Variants in DZIP1 observed in about 807,000 individuals in gnomAD.
The protein encoded by DZIP1 is DAZ interacting zinc finger protein 1.
In DZIP1, 97 loss-of-function variants were observed where a neutral mutation model predicts 107.6. That is an observed-to-expected ratio of 0.90 (90% confidence interval 0.77 to 1.07). The LOEUF (loss-of-function observed/expected upper bound fraction) is 1.07. Ranked by LOEUF, DZIP1 falls within the 50% of genes least tolerant of loss-of-function variation. The pLI, the probability that DZIP1 is intolerant of heterozygous loss-of-function variation, is 0.00. For synonymous variants in DZIP1, 390 were observed against 386.4 expected, an observed-to-expected ratio of 1.01 and a Z score of -0.11; for missense variants, 1,035 against 1,063.6, an observed-to-expected ratio of 0.97 and a Z score of 0.37.
At position 95,612,180 on chromosome 13, in the gene DZIP1, GAA is replaced by G. The variant is rs887988192; in HGVS notation, c.1174-5_1174-4del. 8.1e-6 allele frequency: 13 copies of G among 1,603,578 alleles called. No individual in the cohort carries two copies. In the African/African-American group the frequency reaches 1.5e-4, roughly 18 times the overall value. On this transcript the variant is annotated splice_region_variant and splice_polypyrimidine_tract_variant and intron_variant, in intron 10 of 22. Transcript: ENST00000376829. The stretch of plus-strand genomic sequence containing the variant: ...AGTTTCTCTATATGTGACAGGAGCT[GAA>G]AAAAAGTTAAGAAAGGCATCCATCT...
intron 15 of DZIP1, among the ~76,000 whole-genome samples, chr13:95,597,015 A>G (rs2044474911): frequency 6.6e-6 from 1 of 152,238 alleles, no homozygotes; most frequent in Non-Finnish European, 1.5e-5. Flanking sequence ...CCTGTCTACC[A>G]TCAGAGCTGA....
intron 5 of DZIP1, among the ~76,000 whole-genome samples, chr13:95,639,941 C>T (rs1878287321): frequency 6.6e-6 from 1 of 151,910 alleles, no homozygotes; most frequent in Admixed American, 6.6e-5. Context: ...CAAGACCAAA[C>T]ACTAAGTCCT....
intron 5 of DZIP1, among the ~76,000 whole-genome samples, chr13:95,634,996 CTCT>C (rs1370530260): frequency 6.6e-6 from 1 of 152,070 alleles, no homozygotes; most frequent in Non-Finnish European, 1.5e-5. Flanking sequence ...TCCCCTCCAC[CTCT>C]TTTTTTTCCT....
At chr13:95,597,358 G>A (rs1275308852) in intron 15 of DZIP1, among the ~76,000 whole-genome samples, 1 of 151,928 alleles carries the variant, frequency 6.6e-6, no homozygotes, top group Non-Finnish European at 1.5e-5. Context: ...GATTCTTCAA[G>A]GAATATGGGA....
chr13:95,599,384 T>C lies in DZIP1; in HGVS notation c.1518A>G (p.Glu506=). The change falls in exon 15 of 23, where the codon GAA becomes GAG. Residue 506 remains glutamate (E), a synonymous_variant. Transcript: ENST00000376829. ...TGTTACCTTTTTCTTCCTCTGAAAG[T>C]TCTTCTATTGGTTCCAGTATGTGCG... ...FSSHILEPIE[E]LSEEEKGREN... 6.2e-7 allele frequency: 1 copy of C among 1,613,812 alleles called. No individual in the cohort carries two copies. Among genetic ancestry groups the C allele is most frequent in the African/African-American group, 1.3e-5 (1 of 75,030 alleles).
chr13:95,629,138 G>A (rs1032622262), intron 7 of DZIP1, among the ~76,000 whole-genome samples: 3 of 152,220 alleles, frequency 2.0e-5, no homozygotes, highest in African/African-American at 7.2e-5. Flanking sequence ...GTCCCCATGG[G>A]GGAAACAAGG....
At chr13:95,595,196 A>G (rs962957598) in intron 15 of DZIP1, among the ~76,000 whole-genome samples, 3 of 152,238 alleles carry the variant, frequency 2.0e-5, no homozygotes, top group African/African-American at 7.2e-5. Context: ...CTCAGCAGAC[A>G]GGATTCTTAA....
chr13:95,637,747 G>C (rs1877993008), intron 5 of DZIP1, among the ~76,000 whole-genome samples: 1 of 151,896 alleles, frequency 6.6e-6, no homozygotes, highest in Non-Finnish European at 1.5e-5. Context: ...TTGACACCTT[G>C]ATCTTCAACT....
chr13:95,634,641 C>T (rs116390106), intron 5 of DZIP1, among the ~76,000 whole-genome samples: 1,936 of 152,250 alleles, frequency 0.013, 38 homozygotes, highest in Middle Eastern at 0.054. Flanking sequence ...TATACTCACC[C>T]CTGGATTACT....
In DZIP1 at chr13:95,578,482, A is replaced by G. The variant is rs1206338334; in HGVS notation, c.*3752T>C. 6.6e-6 allele frequency: 1 copy of G among 152,316 alleles called. No homozygotes were observed. Among genetic ancestry groups the G allele is most frequent in the East Asian group, 1.9e-4 (1 of 5,204 alleles). The allele number at this position is 152,316 out of a possible 1,614,324, so 9.4% of individuals were successfully genotyped here. On this transcript the variant is annotated 3_prime_UTR_variant, in exon 23 of 23. Coordinates refer to ENST00000376829, the MANE Select transcript of DZIP1 (RefSeq NM_198968.4). ...TAAATAGACATGTTACTGGCTGCACACAGGCAAATTCTAGTTTGTTTTTTT... is the reference window on the plus strand; with the variant it reads ...TAAATAGACATGTTACTGGCTGCACGCAGGCAAATTCTAGTTTGTTTTTTT...
chr13:95,630,125 G>C lies in DZIP1; in HGVS notation c.686-12C>G. On this transcript the variant is annotated splice_polypyrimidine_tract_variant and intron_variant, in intron 6 of 22. Transcript: ENST00000376829. The stretch of plus-strand genomic sequence containing the variant: ...ATTTTTCTGATACTCTGTTGCAACA[G>C]AAAATCGTGTTAAAACACCATCTCT... 1 of 1,607,042 alleles carries C rather than the reference G, an allele frequency of 6.2e-7. No individual in the cohort carries two copies. The highest frequency in any genetic ancestry group is 1.1e-5 in the South Asian group (1 of 89,606).
At chr13:95,638,636 A>AAC (rs3051404) in intron 5 of DZIP1, among the ~76,000 whole-genome samples, 17,939 of 148,846 alleles carry the variant, frequency 0.12, 1,261 homozygotes, top group East Asian at 0.23. Context: ...CCTTATACAC[A>AAC]ACACACACAC....
chr13:95,594,793 A>G (rs191840976), intron 15 of DZIP1, among the ~76,000 whole-genome samples: 6 of 152,300 alleles, frequency 3.9e-5, no homozygotes, highest in Non-Finnish European at 5.9e-5. Flanking sequence ...TTTTGTTTAA[A>G]ACAACCTATA....
chr13:95,633,159 ACTG>A (rs1877399142), intron 6 of DZIP1, 72 bp downstream of exon 6: 2 of 1,354,434 alleles, frequency 1.5e-6, no homozygotes, highest in South Asian at 2.4e-5. Context: ...TGGGAAATGC[ACTG>A]GACCAAGTCT....
intron 22 of DZIP1, among the ~76,000 whole-genome samples, chr13:95,583,179 C>T (rs2044057212): frequency 6.6e-6 from 1 of 151,084 alleles, no homozygotes; most frequent in Non-Finnish European, 1.5e-5. Context: ...GTAATCCCAA[C>T]AGTTTGGGAG....
chr13:95,631,082 C>A (rs1282654633), intron 6 of DZIP1, among the ~76,000 whole-genome samples: 1 of 152,064 alleles, frequency 6.6e-6, no homozygotes, highest in African/African-American at 2.4e-5. Flanking sequence ...AGAATGGAAA[C>A]AACCTGGCCC....
chr13:95,627,705 T>G (rs1367483996), intron 7 of DZIP1, among the ~76,000 whole-genome samples: 1 of 152,240 alleles, frequency 6.6e-6, no homozygotes, highest in African/African-American at 2.4e-5. Flanking sequence ...ATGGTACAGC[T>G]ACTGTGGAAG....
Position 95,612,198 on chromosome 13 carries a change from G to T in DZIP1, c.1174-21C>A, listed in dbSNP as rs768390644. ...AGGAGCTGAAAAAAAGTTAAGAAAG[G>T]CATCCATCTGTAAGCTGCATGTCAA... is the stretch of plus-strand genomic sequence containing the variant. On this transcript the variant is annotated intron_variant, in intron 10 of 22. Coordinates refer to ENST00000376829, the MANE Select transcript of DZIP1 (RefSeq NM_198968.4). The T allele has an allele frequency of 1.7e-5, 27 of 1,602,886 alleles. No homozygotes were observed. In the Admixed American group the frequency reaches 4.2e-4, roughly 25 times the overall value.
At chr13:95,594,916 A>G (rs2044403628) in intron 15 of DZIP1, among the ~76,000 whole-genome samples, 1 of 152,212 alleles carries the variant, frequency 6.6e-6, no homozygotes, top group South Asian at 2.1e-4. Flanking sequence ...AGTTTGGAGA[A>G]GAATGATGGC....
Sources: allele counts gnomAD v4.1 joint callset (sites outside exome capture counted in the v4.1 genomes callset), GRCh38; gene constraint gnomAD v4.1.1; transcripts MANE v1.5; gene names NCBI Gene and HGNC (gene_info 2026-07-23, HGNC 2026-07-21).